MXRA7: variants seen among roughly 807,000 people sequenced by gnomAD.
MXRA7 encodes the protein matrix remodeling associated 7.
In MXRA7, 18 loss-of-function variants were observed where a neutral mutation model predicts 17.4. The observed-to-expected ratio is 1.03, with a 90% CI of 0.71 to 1.53. MXRA7 has a LOEUF of 1.53. Among genes scored for constraint, MXRA7 ranks in the 40% most tolerant of loss-of-function variants. The probability of loss-of-function intolerance (pLI) is 0.00; values close to 1 mark genes in which losing one functional copy is unlikely to be tolerated. For missense variants in MXRA7, 141 were observed against 209.3 expected, an observed-to-expected ratio of 0.67 and a Z score of 2.01; for synonymous variants, 70 against 101.7, an observed-to-expected ratio of 0.69 and a Z score of 1.87.
At chr17:76,707,441 G>A (rs1185417475) in intron 1 of MXRA7, among the ~76,000 whole-genome samples, 1 of 151,942 alleles carries the variant, frequency 6.6e-6, no homozygotes, top group African/African-American at 2.4e-5. Flanking sequence ...GAGTAGATGG[G>A]ATGACGTGCA....
chr17:76,686,733 G>A (rs1567980306), intron 2 of MXRA7, among the ~76,000 whole-genome samples: 1 of 152,150 alleles, frequency 6.6e-6, no homozygotes, highest in Non-Finnish European at 1.5e-5. Flanking sequence ...TCACCTAGTC[G>A]CTCAGGGAAG....
chr17:76,692,146 T>C (rs956046377), intron 1 of MXRA7, among the ~76,000 whole-genome samples: 1 of 151,706 alleles, frequency 6.6e-6, no homozygotes, highest in Non-Finnish European at 1.5e-5. Context: ...GCCCAAGAGG[T>C]TGAGGCTGTA....
chr17:76,700,312 T>C (rs977309833), intron 1 of MXRA7, among the ~76,000 whole-genome samples: 28 of 152,258 alleles, frequency 1.8e-4, no homozygotes, highest in African/African-American at 6.3e-4. Flanking sequence ...ACCACTGATC[T>C]AGTGTGGCTT....
At chr17:76,708,928 C>T (rs914719228) in intron 1 of MXRA7, among the ~76,000 whole-genome samples, 1 of 152,166 alleles carries the variant, frequency 6.6e-6, no homozygotes, top group Admixed American at 6.5e-5. Flanking sequence ...CACGCGAACC[C>T]CCATACTGCC....
chr17:76,705,619 G>A (rs1241637050), intron 1 of MXRA7, among the ~76,000 whole-genome samples: 1 of 152,112 alleles, frequency 6.6e-6, no homozygotes. Flanking sequence ...ATTTAGACGA[G>A]GTCACGATGG....
At position 76,701,356 on chromosome 17, in the gene MXRA7, T is replaced by C. The variant is rs540931305; in HGVS notation, c.342+9249A>G. Among the ~76,000 whole-genome samples the C allele has an allele frequency of 8.2e-5, 10 of 121,796 alleles. No homozygotes were observed. In the South Asian group the frequency reaches 2.7e-3, roughly 33 times the overall value. The allele number at this position is 121,796 out of a possible 152,430, so 79.9% of individuals were successfully genotyped here. A position where few individuals can be genotyped will look rare whatever the true frequency, so the allele number is the denominator to read the frequency against. On this transcript the variant is annotated intron_variant, in intron 1 of 3. Coordinates refer to ENST00000449428, the MANE Select transcript of MXRA7 (RefSeq NM_198530.4). Reference sequence around the variant, plus strand: ...GGCTTTTGGTCTGAGCAGCTGAGCGTCGGGGGGGTGGATCCGGGATGAGAT... The same window carrying C: ...GGCTTTTGGTCTGAGCAGCTGAGCGCCGGGGGGGTGGATCCGGGATGAGAT...
chr17:76,696,249 G>A (rs2076531873), intron 1 of MXRA7, among the ~76,000 whole-genome samples: 1 of 152,182 alleles, frequency 6.6e-6, no homozygotes, highest in Non-Finnish European at 1.5e-5. Context: ...GCTGGGCGCG[G>A]TGGCTCACAC....
chr17:76,687,719 A>G (rs1477705816), intron 2 of MXRA7, among the ~76,000 whole-genome samples: 1 of 152,236 alleles, frequency 6.6e-6, no homozygotes, highest in Non-Finnish European at 1.5e-5. Flanking sequence ...TTCGTTCTGA[A>G]GAAGGCACGG....
intron 1 of MXRA7, 82 bp from the exon 2 acceptor site, chr17:76,688,258 AGAG>A (rs756549609): frequency 1.8e-5 from 29 of 1,588,082 alleles, no homozygotes; most frequent in Non-Finnish European, 2.4e-5. Flanking sequence ...TAGGGGAGAC[AGAG>A]GAGGCCCTCG....
At chr17:76,708,417 G>A (rs1009349062) in intron 1 of MXRA7, among the ~76,000 whole-genome samples, 5 of 152,164 alleles carry the variant, frequency 3.3e-5, no homozygotes, top group African/African-American at 9.7e-5. Flanking sequence ...GCTTAGGGAC[G>A]GAGGGAGAAG....
At chr17:76,673,839 AC>A (rs1369587748) in exon 4 of MXRA7, 1 of 152,220 alleles carries the variant, frequency 6.6e-6, no homozygotes, top group Non-Finnish European at 1.5e-5. Context: ...AAAGGTGGTT[AC>A]CGTCAGTCCA....
chr17:76,674,036 T>G, exon 4 of MXRA7: 1 of 152,422 alleles, frequency 6.6e-6, no homozygotes, highest in East Asian at 1.9e-4. Flanking sequence ...TCAGCAGTGA[T>G]GGAGGGCAGG....
chr17:76,683,266 G>A (rs544237343), intron 3 of MXRA7, among the ~76,000 whole-genome samples: 1 of 152,306 alleles, frequency 6.6e-6, no homozygotes, highest in Admixed American at 6.5e-5. Flanking sequence ...GACTCACCTC[G>A]GCCACTGCGG....
At chr17:76,688,625 T>A in intron 1 of MXRA7, 1 of 1,243,158 alleles carries the variant, frequency 8.0e-7, no homozygotes, top group South Asian at 3.9e-5. Context: ...TTGTTTTCCA[T>A]CCCCAACTCT....
chr17:76,706,170 GTCACAGAGGCCCACGCTGCCA>G (rs1401459453), intron 1 of MXRA7, among the ~76,000 whole-genome samples: 1 of 72,458 alleles, frequency 1.4e-5, no homozygotes, highest in African/African-American at 5.6e-5. Context: ...CCACGCTGCC[GTCACAGAGGCCCACGCTGCCA>G]TCACAGAGGC....
At chr17:76,705,238 T>C (rs917027692) in intron 1 of MXRA7, among the ~76,000 whole-genome samples, 1 of 152,182 alleles carries the variant, frequency 6.6e-6, no homozygotes, top group Non-Finnish European at 1.5e-5. Flanking sequence ...GGAAAGCCCC[T>C]GGACTTCTTT....
At chr17:76,675,388 ATTTTTTTTTTTTTTTTT>A (rs10538947), downstream of MXRA7, 2 of 68,120 alleles carry the variant, frequency 2.9e-5, no homozygotes, top group Non-Finnish European at 3.0e-5. Context: ...AGAACAAATA[ATTTTTTTTTTTTTTTTT>A]TTTTTTTTTT....
At chr17:76,687,440 A>T (rs2076411943) in intron 2 of MXRA7, among the ~76,000 whole-genome samples, 1 of 152,272 alleles carries the variant, frequency 6.6e-6, no homozygotes, top group South Asian at 2.1e-4. Context: ...TGCAGAAAGC[A>T]CTAATCCTCC....
chr17:76,688,330 C>A (rs2076430570), intron 1 of MXRA7, 154 bp from the exon 2 acceptor site: 1 of 1,458,010 alleles, frequency 6.9e-7, no homozygotes, highest in Non-Finnish European at 9.0e-7. Flanking sequence ...GGTCAACCAG[C>A]AGGTGGGGGC....
Sources: allele counts gnomAD v4.1 joint callset (sites outside exome capture counted in the v4.1 genomes callset), GRCh38; gene constraint gnomAD v4.1.1; transcripts MANE v1.5; gene names NCBI Gene and HGNC (gene_info 2026-07-23, HGNC 2026-07-21).